Variants in FSTL5 observed in about 807,000 individuals in gnomAD.
The protein encoded by FSTL5 is follistatin-related protein 5.
Under a neutral mutation model 89.1 loss-of-function variants are expected in FSTL5, and 62 were observed. The observed-to-expected ratio is 0.70, with a 90% CI of 0.57 to 0.86. The LOEUF is 0.86. FSTL5 is among the 40% of genes least tolerant of loss of function. FSTL5 has a pLI of 0.00. For synonymous variants in FSTL5, 383 were observed against 346.2 expected (o/e 1.11, Z -1.18); for missense variants, 1,057 against 1,001.6 (o/e 1.06, Z -0.75).
intron 6 of FSTL5, among the ~76,000 whole-genome samples, chr4:161,735,132 T>A (rs1739766626): frequency 1.3e-5 from 2 of 152,184 alleles, no homozygotes; most frequent in Admixed American, 1.3e-4. Flanking sequence ...CTTCTAGGAT[T>A]CAATTAATTT....
At chr4:161,921,281 A>T (rs182125946) in intron 3 of FSTL5, among the ~76,000 whole-genome samples, 24 of 152,250 alleles carry the variant, frequency 1.6e-4, no homozygotes, top group African/African-American at 4.8e-4. Flanking sequence ...ACAATCACTG[A>T]TGCATATCAT....
At chr4:161,931,985 AT>A in intron 3 of FSTL5, among the ~76,000 whole-genome samples, 1 of 152,140 alleles carries the variant, frequency 6.6e-6, no homozygotes, top group East Asian at 1.9e-4. Context: ...AAACTCAGTC[AT>A]TTCAAGTATG....
chr4:162,016,974 C>T (rs1736933123), intron 3 of FSTL5, among the ~76,000 whole-genome samples: 1 of 152,148 alleles, frequency 6.6e-6, no homozygotes, highest in Non-Finnish European at 1.5e-5. Context: ...CTACAACTGT[C>T]CTGATAAATT....
chr4:161,528,157 A>T (rs144303376), intron 10 of FSTL5, among the ~76,000 whole-genome samples: 1 of 24,986 alleles, frequency 4.0e-5, no homozygotes, highest in Non-Finnish European at 1.0e-4. Flanking sequence ...GGGTGGGGGG[A>T]GGGGGGAGGG....
In FSTL5 at chr4:161,775,612, C is replaced by A. The variant is rs1014257870; in HGVS notation, c.606+266G>T. ...ATTATAAATTCTACAAGATAAAGAACTTGTAATTCCTTTAGGTATTTAAGA... is the reference window on the plus strand; with the variant it reads ...ATTATAAATTCTACAAGATAAAGAAATTGTAATTCCTTTAGGTATTTAAGA... On this transcript the variant is annotated intron_variant, in intron 5 of 15. Coordinates refer to ENST00000306100, the MANE Select transcript of FSTL5 (RefSeq NM_020116.5). Among the ~76,000 whole-genome samples the A allele has an allele frequency of 1.1e-4, 17 of 152,042 alleles. No individual in the cohort carries two copies. In the East Asian group the frequency reaches 3.1e-3, roughly 28 times the overall value.
intron 6 of FSTL5, among the ~76,000 whole-genome samples, chr4:161,740,764 C>A (rs1284941825): frequency 2.0e-5 from 3 of 152,122 alleles, no homozygotes; most frequent in Non-Finnish European, 4.4e-5. Context: ...ATATTATGTA[C>A]TCAAATAGTG....
At chr4:161,998,964 T>C (rs1233434093) in intron 3 of FSTL5, among the ~76,000 whole-genome samples, 2 of 151,964 alleles carry the variant, frequency 1.3e-5, no homozygotes, top group African/African-American at 4.8e-5. Flanking sequence ...TCTGTTTCAA[T>C]GTGATGCTGG....
chr4:161,798,425 T>C (rs1729697465), intron 4 of FSTL5, among the ~76,000 whole-genome samples: 1 of 151,552 alleles, frequency 6.6e-6, no homozygotes, highest in Non-Finnish European at 1.5e-5. Context: ...TTTGTTAGTT[T>C]AGGATTTTTT....
At chr4:162,081,272 G>T (rs1424546427) in intron 2 of FSTL5, among the ~76,000 whole-genome samples, 1 of 151,544 alleles carries the variant, frequency 6.6e-6, no homozygotes, top group African/African-American at 2.4e-5. Flanking sequence ...GAATTGATCA[G>T]AACTGACACA....
intron 4 of FSTL5, among the ~76,000 whole-genome samples, chr4:161,876,412 T>C (rs151204888): frequency 1.3e-5 from 2 of 152,358 alleles, no homozygotes; most frequent in Non-Finnish European, 2.9e-5. Context: ...TAGCACTGTA[T>C]ACCTTTGTAA....
intron 1 of FSTL5, among the ~76,000 whole-genome samples, chr4:162,120,875 T>G (rs1296243127): frequency 1.3e-5 from 2 of 152,110 alleles, no homozygotes; most frequent in East Asian, 1.9e-4. Context: ...AAAATTGTTT[T>G]TACTACTCAC....
At chr4:161,472,007 C>A (rs1228577616) in intron 13 of FSTL5, among the ~76,000 whole-genome samples, 3 of 141,814 alleles carry the variant, frequency 2.1e-5, no homozygotes, top group Non-Finnish European at 4.5e-5. Context: ...GACAGAGTCT[C>A]GCTCTGTTGC....
At chr4:161,813,939 TAATC>T (rs1376738417) in intron 4 of FSTL5, among the ~76,000 whole-genome samples, 4 of 151,906 alleles carry the variant, frequency 2.6e-5, no homozygotes, top group Non-Finnish European at 5.9e-5. Context: ...TTTATAAACA[TAATC>T]AATAAGGAAA....
chr4:161,742,978 T>C (rs898913909), intron 6 of FSTL5, among the ~76,000 whole-genome samples: 2 of 152,176 alleles, frequency 1.3e-5, no homozygotes, highest in African/African-American at 4.8e-5. Context: ...ATCTGTTATG[T>C]AGATGATTTG....
At chr4:161,636,293 AGTCAAACT>A (rs914674227) in intron 7 of FSTL5, among the ~76,000 whole-genome samples, 1 of 152,082 alleles carries the variant, frequency 6.6e-6, no homozygotes, top group African/African-American at 2.4e-5. Flanking sequence ...TTTGAGTTTG[AGTCAAACT>A]GTACCCAAAG....
intron 1 of FSTL5, among the ~76,000 whole-genome samples, chr4:162,131,691 G>A (rs776088324): frequency 2.6e-5 from 4 of 152,182 alleles, no homozygotes; most frequent in Non-Finnish European, 5.9e-5. Context: ...GACATAAGTA[G>A]CATGAGAATG....
chr4:162,036,670 G>C lies in FSTL5; in HGVS notation c.127-3012C>G, dbSNP rs556097780. Among the ~76,000 whole-genome samples, 4 of 151,992 alleles carry C rather than the reference G, an allele frequency of 2.6e-5. No homozygotes were observed. The South Asian group carries it at 8.3e-4, about 32-fold the overall frequency. On this transcript the variant is annotated intron_variant, in intron 2 of 15. Coordinates refer to ENST00000306100, the MANE Select transcript of FSTL5 (RefSeq NM_020116.5). ...AGGATGGAAGCATAAAAAAATTACA[G>C]GAGAAAAATCAAGAGATCAAGGAAT... is the stretch of plus-strand genomic sequence containing the variant.
chr4:162,154,509 C>T lies in FSTL5; in HGVS notation c.-17+9106G>A, dbSNP rs569953408. ...AATTACTATGTTATCTATAAAAGAG[C>T]ATAAATATAATGTTAAATACAAGTT... On this transcript the variant is annotated intron_variant, in intron 1 of 15. Transcript: ENST00000306100. 2.0e-5 allele frequency among the ~76,000 whole-genome samples: 3 copies of T among 152,112 alleles called. No individual in the cohort carries two copies. In the South Asian group the frequency reaches 6.2e-4, roughly 32 times the overall value.
At chr4:162,079,367 A>C (rs2111329385) in intron 2 of FSTL5, among the ~76,000 whole-genome samples, 1 of 151,806 alleles carries the variant, frequency 6.6e-6, no homozygotes, top group South Asian at 2.1e-4. Flanking sequence ...AGAAGGGAAG[A>C]GGAAAGTATG....
Sources: gnomAD v4.1 joint callset for allele counts (sites outside exome capture counted in the v4.1 genomes callset) on GRCh38, gnomAD v4.1.1 for gene constraint, MANE v1.5 for transcripts, NCBI Gene and HGNC (gene_info 2026-07-23, HGNC 2026-07-21) for gene names.